MECOM: variants seen among roughly 807,000 people sequenced by gnomAD.
MECOM encodes histone-lysine N-methyltransferase MECOM.
Under a neutral mutation model 116.3 loss-of-function variants are expected in MECOM, and 13 were observed. The ratio of observed to expected loss-of-function variants is 0.11; its 90% CI spans 0.07 to 0.18. The LOEUF is 0.18. Among genes scored for constraint, MECOM ranks in the 10% least tolerant of loss-of-function variants. The pLI is 1.00. For synonymous variants in MECOM, 528 were observed against 535.2 expected, an observed-to-expected ratio of 0.99 and a Z score of 0.19; for missense variants, 1,299 against 1,509.0, an observed-to-expected ratio of 0.86 and a Z score of 2.31.
intron 1 of MECOM, among the ~76,000 whole-genome samples, chr3:169,649,409 CA>C (rs71634436): frequency 0.022 from 1,639 of 74,402 alleles, 24 homozygotes; most frequent in South Asian, 0.055. Flanking sequence ...AACTCCATCT[CA>C]AAAAAAAAAA....
intron 12 of MECOM, 128 bp from the exon 13 acceptor site, chr3:169,095,373 T>C: frequency 1.5e-6 from 1 of 661,306 alleles, no homozygotes; most frequent in Non-Finnish European, 2.4e-6. Context: ...ACAGGGAGAA[T>C]ACTATTCACA....
intron 7 of MECOM, among the ~76,000 whole-genome samples, chr3:169,119,218 G>A (rs183706287): frequency 2.0e-5 from 3 of 152,216 alleles, no homozygotes; most frequent in Non-Finnish European, 4.4e-5. Flanking sequence ...CGTGGTGTGT[G>A]GCCTTCTGGT....
chr3:169,315,179 G>A (rs575669405), intron 2 of MECOM, among the ~76,000 whole-genome samples: 4 of 152,290 alleles, frequency 2.6e-5, no homozygotes, highest in African/African-American at 7.2e-5. Flanking sequence ...AGCTGACAGG[G>A]CTTTCCCACA....
chr3:169,586,943 A>G (rs994119537), intron 1 of MECOM, among the ~76,000 whole-genome samples: 1 of 152,242 alleles, frequency 6.6e-6, no homozygotes, highest in African/African-American at 2.4e-5. Flanking sequence ...TAGTACTGGT[A>G]ATATTAAGTC....
At chr3:169,220,864 G>A (rs1752048865) in intron 2 of MECOM, among the ~76,000 whole-genome samples, 1 of 152,180 alleles carries the variant, frequency 6.6e-6, no homozygotes, top group Non-Finnish European at 1.5e-5. Flanking sequence ...TGTCTGTCTT[G>A]TTGACTAGTG....
At chr3:169,526,227 T>G (rs114965588) in intron 1 of MECOM, among the ~76,000 whole-genome samples, 2,997 of 152,164 alleles carry the variant, frequency 0.02, 32 homozygotes, top group Middle Eastern at 0.037. Flanking sequence ...CGGAGAGCCT[T>G]TTTCCAGATA....
intron 1 of MECOM, among the ~76,000 whole-genome samples, chr3:169,444,899 T>A (rs562734858): frequency 5.3e-5 from 8 of 152,288 alleles, no homozygotes; most frequent in African/African-American, 1.7e-4. Flanking sequence ...CAAAGGTGAC[T>A]CTTACTATGT....
intron 3 of MECOM, among the ~76,000 whole-genome samples, chr3:169,139,228 A>T (rs1560254735): frequency 6.6e-6 from 1 of 152,108 alleles, no homozygotes; most frequent in Admixed American, 6.6e-5. Flanking sequence ...ATTTCTTTTT[A>T]TTCAGAGTGA....
intron 1 of MECOM, among the ~76,000 whole-genome samples, chr3:169,622,332 T>C (rs1770845668): frequency 6.6e-6 from 1 of 152,200 alleles, no homozygotes; most frequent in African/African-American, 2.4e-5. Flanking sequence ...ACTCAGGTGA[T>C]CTGCCCCCCT....
chr3:169,405,188 GTCTC>G (rs749278074), intron 1 of MECOM, among the ~76,000 whole-genome samples: 4 of 148,926 alleles, frequency 2.7e-5, no homozygotes, highest in Non-Finnish European at 6.0e-5. Flanking sequence ...CTCTTTCTCT[GTCTC>G]TCTCTCTCTC....
At chr3:169,394,768 A>T (rs1482356075) in intron 1 of MECOM, among the ~76,000 whole-genome samples, 2 of 152,204 alleles carry the variant, frequency 1.3e-5, no homozygotes, top group African/African-American at 4.8e-5. Flanking sequence ...GGACATAGTT[A>T]AGTCAAAACA....
intron 3 of MECOM, among the ~76,000 whole-genome samples, chr3:169,138,002 T>C (rs1736887093): frequency 6.6e-6 from 1 of 152,140 alleles, no homozygotes. Context: ...ATGTTCATTT[T>C]GAATGGTTTC....
intron 1 of MECOM, among the ~76,000 whole-genome samples, chr3:169,451,252 G>GAA (rs200448306): frequency 0.013 from 1,894 of 143,472 alleles, 39 homozygotes; most frequent in African/African-American, 0.046. Context: ...TTAAGATGGT[G>GAA]AAAAAAAAAA....
intron 2 of MECOM, among the ~76,000 whole-genome samples, chr3:169,205,303 C>T (rs1382173016): frequency 6.6e-6 from 1 of 152,088 alleles, no homozygotes; most frequent in Non-Finnish European, 1.5e-5. Flanking sequence ...GTATTTCTTC[C>T]CCTTGAAGAT....
chr3:169,324,290 A>G (rs953619247), intron 2 of MECOM, among the ~76,000 whole-genome samples: 5 of 152,190 alleles, frequency 3.3e-5, no homozygotes, highest in Admixed American at 1.3e-4. Context: ...TGTAGTGACC[A>G]AGGTGTGTTC....
intron 1 of MECOM, among the ~76,000 whole-genome samples, chr3:169,646,949 G>C (rs1189766226): frequency 6.6e-6 from 1 of 152,156 alleles, no homozygotes; most frequent in Non-Finnish European, 1.5e-5. Context: ...AAGATGAAGG[G>C]ATGACCAGCC....
chr3:169,241,483 G>A (rs1274669018), intron 2 of MECOM, among the ~76,000 whole-genome samples: 2 of 152,108 alleles, frequency 1.3e-5, no homozygotes, highest in African/African-American at 2.4e-5. Context: ...AAGAGAATCC[G>A]AAACTATTCA....
At chr3:169,527,807 A>T (rs1258242539) in intron 1 of MECOM, among the ~76,000 whole-genome samples, 1 of 152,178 alleles carries the variant, frequency 6.6e-6, no homozygotes, top group Non-Finnish European at 1.5e-5. Flanking sequence ...GGAAAAAGAT[A>T]TGTGAGAGAG....
chr3:169,096,838 C>G (rs1049015715), intron 12 of MECOM, among the ~76,000 whole-genome samples: 1 of 152,122 alleles, frequency 6.6e-6, no homozygotes, highest in Admixed American at 6.5e-5. Context: ...AACACAAGTA[C>G]TGATTTGATT....
Sources: allele counts gnomAD v4.1 joint callset (sites outside exome capture counted in the v4.1 genomes callset), GRCh38; gene constraint gnomAD v4.1.1; transcripts MANE v1.5; gene names NCBI Gene and HGNC (gene_info 2026-07-23, HGNC 2026-07-21).